EHBP1L1: variants seen among roughly 807,000 people sequenced by gnomAD.
EHBP1L1 encodes EH domain binding protein 1 like 1, also known as EH domain-binding protein 1-like protein 1.
EHBP1L1 carries 122 observed loss-of-function variants against 151.1 expected under a neutral mutation model. The ratio of observed to expected loss-of-function variants is 0.81; its 90% confidence interval spans 0.70 to 0.94. EHBP1L1 has a LOEUF of 0.94. Ranked by LOEUF, EHBP1L1 falls within the 40% of genes least tolerant of loss-of-function variation. EHBP1L1 has a pLI of 0.00. For missense variants in EHBP1L1, 1,941 were observed against 1,959.8 expected, an observed-to-expected ratio of 0.99 and a Z score of 0.18; for synonymous variants, 878 against 810.1, an observed-to-expected ratio of 1.08 and a Z score of -1.42.
At position 65,592,025 on chromosome 11, in the gene EHBP1L1, G is replaced by A. The variant is rs574180298; in HGVS notation, c.4407G>A (p.Glu1469=). 6.2e-7 allele frequency: 1 copy of A among 1,613,486 alleles called. No homozygotes were observed. The highest frequency in any genetic ancestry group is 8.5e-7 in the Non-Finnish European group (1 of 1,179,708). The change falls in exon 18 of 19, where the codon GAG becomes GAA. Residue 1469 remains glutamate (E), a synonymous_variant. Coordinates refer to ENST00000309295, the MANE Select transcript of EHBP1L1 (RefSeq NM_001099409.3). The part of the protein sequence containing the change: ...AQQHREQLLL[E]ELVSLVNQRD... The stretch of plus-strand genomic sequence containing the variant: ...AGCACCGAGAGCAGCTCCTACTGGA[G>A]GAGCTGGTGTCGCTGGTGAACCAGC...
intron 1 of EHBP1L1, among the ~76,000 whole-genome samples, chr11:65,577,775 TGGGTTGGA>T (rs1433734301): frequency 6.6e-6 from 1 of 152,224 alleles, no homozygotes; most frequent in Non-Finnish European, 1.5e-5. Flanking sequence ...AACTTGGCTC[TGGGTTGGA>T]GGGCTCTAGG....
Position 65,584,533 on chromosome 11 carries a change from A to C in EHBP1L1, c.3299A>C (p.Gln1100Pro), listed in dbSNP as rs1250841752. The C allele has an allele frequency of 6.2e-7, 1 of 1,611,226 alleles. No individual in the cohort carries two copies. The highest frequency in any genetic ancestry group is 1.3e-5 in the African/African-American group (1 of 74,768). The change falls in exon 11 of 19, where the codon CAG (glutamine) becomes CCG (proline). Residue 1100 changes from glutamine to proline, a missense_variant and splice_region_variant. Physicochemically the swap from Gln to Pro is moderately conservative, Grantham distance 76 (BLOSUM62 -1). Coordinates refer to ENST00000309295, the MANE Select transcript of EHBP1L1 (RefSeq NM_001099409.3). ...DPLNIKQNNK[Q>P]AFDGFAALGV... ...CTCAACATCAAGCAGAACAACAAGC[A>C]GGTGAGATGGGGTGGGGGACTGCCT... is the stretch of plus-strand genomic sequence containing the variant.
Position 65,584,393 on chromosome 11 carries a change from C to T in EHBP1L1, c.3246C>T (p.Asp1082=), listed in dbSNP as rs1182587091. 1 of 1,613,088 alleles carries T rather than the reference C, an allele frequency of 6.2e-7. No homozygotes were observed. Among genetic ancestry groups the T allele is most frequent in the South Asian group, 1.1e-5 (1 of 91,058 alleles). ...CCATCCTGCACCGATTCTACCCAGA[C>T]AAGATGTGAGCTGCCAGAGGGGTGG... The part of the protein sequence containing the change: ...FCAILHRFYP[D]KIDYASLDPL... The change falls in exon 10 of 19, where the codon GAC becomes GAT. Residue 1082 remains aspartate (D), a synonymous_variant. Transcript: ENST00000309295.
chr11:65,589,951 CGGA>C lies in EHBP1L1; in HGVS notation c.4023_4025del (p.Glu1342del). On this transcript the variant is annotated inframe_deletion, in exon 14 of 19. Coordinates refer to ENST00000309295, the MANE Select transcript of EHBP1L1 (RefSeq NM_001099409.3). The stretch of plus-strand genomic sequence containing the variant: ...CTGTCTGCAGGTGGGAGTTCCCCCT[CGGA>C]GGAACCACCCCCAAGCCCAGGGGAG... The C allele has an allele frequency of 1.3e-6, 2 of 1,572,862 alleles. No homozygotes were observed. Among genetic ancestry groups the C allele is most frequent in the Non-Finnish European group, 1.7e-6 (2 of 1,155,758 alleles).
Position 65,585,638 on chromosome 11 carries a change from C to G in EHBP1L1, c.3933+47C>G, listed in dbSNP as rs1191737497. ...TCTTCCCCCGCCGCAGCGCGGGGTC[C>G]CGGGAAGATGGGCAGAGAACGGGCG... is the stretch of plus-strand genomic sequence containing the variant. On this transcript the variant is annotated intron_variant, in intron 12 of 18. Transcript: ENST00000309295. The surrounding 1 kb of genome is among the most constrained non-coding windows in gnomAD (Gnocchi z 4.0). 1 of 1,533,174 alleles carries G rather than the reference C, an allele frequency of 6.5e-7. No homozygotes were observed. Among genetic ancestry groups the G allele is most frequent in the Non-Finnish European group, 8.7e-7 (1 of 1,145,090 alleles). 95.0% of individuals were successfully genotyped at this position (1,533,174 alleles called of 1,614,324 possible).
chr11:65,582,504 A>C lies in EHBP1L1; in HGVS notation c.1832A>C (p.Glu611Ala), dbSNP rs755978533. The C allele has an allele frequency of 1.2e-5, 19 of 1,613,178 alleles. No homozygotes were observed. In the East Asian group the frequency reaches 2.4e-4, roughly 21 times the overall value. The change falls in exon 9 of 19, where the codon GAA becomes GCA. Residue 611 changes from glutamate (E) to alanine (A), a missense_variant. Transcript: ENST00000309295. Reference sequence around the variant, plus strand: ...GAGATATTGGGGGCCTTGGAGAAAGAAGCAGCAAGATCAAGGGTCCTGGAG... The same window carrying C: ...GAGATATTGGGGGCCTTGGAGAAAGCAGCAGCAAGATCAAGGGTCCTGGAG... The part of the protein sequence containing the change: ...EIEILGALEK[E>A]AARSRVLESE...
intron 17 of EHBP1L1, 30 bp from the exon 18 acceptor site, chr11:65,591,946 C>G (rs757387698): frequency 6.2e-7 from 1 of 1,608,254 alleles, no homozygotes; most frequent in Non-Finnish European, 8.5e-7. Context: ...GGGCCCGCGC[C>G]TCCTGACGCT....
rs758971139 is a variant in EHBP1L1, at chr11:65,581,369, A to G, written c.862A>G (p.Met288Val). 6.4e-7 allele frequency: 1 copy of G among 1,556,678 alleles called. No homozygotes were observed. The highest frequency in any genetic ancestry group is 1.2e-5 in the South Asian group (1 of 83,858). Residue 288 changes from methionine (M) to valine (V), a missense_variant, in exon 8 of 19, where the codon ATG becomes GTG. Physicochemically the swap from Met to Val is conservative, Grantham distance 21. Coordinates refer to ENST00000309295, the MANE Select transcript of EHBP1L1 (RefSeq NM_001099409.3). ...AAGGCCCCCGGAAACCTCACCAGAG[A>G]TGAGGTGAGCTTTGGAACCAGCCTC... The part of the protein sequence containing the change: ...APRPPETSPE[M>V]RSSRQPAQDT...
At position 65,592,405 on chromosome 11, in the gene EHBP1L1, T is replaced by A. The variant is rs1858383358; in HGVS notation, c.*103T>A. The A allele has an allele frequency of 1.1e-6, 1 of 896,204 alleles. No individual in the cohort carries two copies. The highest frequency in any genetic ancestry group is 6.3e-5 in the East Asian group (1 of 15,918). 55.5% of individuals were successfully genotyped at this position (896,204 alleles called of 1,614,324 possible). On this transcript the variant is annotated 3_prime_UTR_variant, in exon 19 of 19. Coordinates refer to ENST00000309295, the MANE Select transcript of EHBP1L1 (RefSeq NM_001099409.3). ...CCGGCCGTCCCGGAGGCCGCGCGCG[T>A]GTCCGCTAGGGGCCGCCGGCGCCCT...
chr11:65,583,896 C>T (rs1857785468), intron 9 of EHBP1L1, 131 bp downstream of exon 9: 19 of 1,416,864 alleles, frequency 1.3e-5, no homozygotes, highest in Non-Finnish European at 7.3e-6. Flanking sequence ...CTTGAAGGAG[C>T]CCCCTCATCC....
Position 65,584,953 on chromosome 11 carries a change from C to G in EHBP1L1, c.3301-6C>G. 6.5e-7 allele frequency: 1 copy of G among 1,533,356 alleles called. No homozygotes were observed. Among genetic ancestry groups the G allele is most frequent in the African/African-American group, 1.4e-5 (1 of 72,980 alleles). The allele number at this position is 1,533,356 out of a possible 1,614,324, so 95.0% of individuals were successfully genotyped here. A position where few individuals can be genotyped will look rare whatever the true frequency, so the allele number is the denominator to read the frequency against. ...GCCGCTGACCCCGAGTGCACCCTTC[C>G]CCTAGGCCTTCGATGGCTTCGCGGC... On this transcript the variant is annotated splice_region_variant and splice_polypyrimidine_tract_variant and intron_variant, in intron 11 of 18. Coordinates refer to ENST00000309295, the MANE Select transcript of EHBP1L1 (RefSeq NM_001099409.3).
intron 8 of EHBP1L1, 36 bp downstream of exon 8, chr11:65,581,409 CCT>C (rs1459520801): frequency 4.0e-6 from 6 of 1,498,214 alleles, no homozygotes; most frequent in Non-Finnish European, 4.4e-6. Flanking sequence ...CCCATTGCCC[CCT>C]GATAGGAGCT....
In EHBP1L1 at chr11:65,585,877, T is replaced by C. The variant is rs1590830531; in HGVS notation, c.3933+286T>C. Among the ~76,000 whole-genome samples the C allele has an allele frequency of 6.6e-6, 1 of 152,276 alleles. No individual in the cohort carries two copies. The highest frequency in any genetic ancestry group is 1.9e-4 in the East Asian group (1 of 5,178). On this transcript the variant is annotated intron_variant, in intron 12 of 18. Coordinates refer to ENST00000309295, the MANE Select transcript of EHBP1L1 (RefSeq NM_001099409.3). The surrounding 1 kb of genome is among the most constrained non-coding windows in gnomAD (Gnocchi z 4.0). ...AGCTTTGCGGCCAGCCTGGGATAAGTGCTGAGGGTTTTTAGTGCTTGGCAC... is the reference window on the plus strand; with the variant it reads ...AGCTTTGCGGCCAGCCTGGGATAAGCGCTGAGGGTTTTTAGTGCTTGGCAC...
At chr11:65,586,080 G>A (rs1021236182) in intron 12 of EHBP1L1, among the ~76,000 whole-genome samples, 1 of 152,168 alleles carries the variant, frequency 6.6e-6, no homozygotes. Context: ...ACTCAAGGGG[G>A]ATTCTCCAGG....
chr11:65,583,039 A>G lies in EHBP1L1; in HGVS notation c.2367A>G (p.Leu789=), dbSNP rs1261086259. The change falls in exon 9 of 19, where the codon TTA becomes TTG. Residue 789 remains leucine, a synonymous_variant. Coordinates refer to ENST00000309295, the MANE Select transcript of EHBP1L1 (RefSeq NM_001099409.3). ...IASRDSGVPG[L]EADTTGIQVK... Reference sequence around the variant, plus strand: ...CTAGGGATTCAGGGGTCCCAGGGTTAGAAGCTGATACAACAGGGATCCAGG... The same window carrying G: ...CTAGGGATTCAGGGGTCCCAGGGTTGGAAGCTGATACAACAGGGATCCAGG... The G allele has an allele frequency of 6.2e-7, 1 of 1,613,196 alleles. No homozygotes were observed.
In EHBP1L1 at chr11:65,576,104, G is replaced by C. The variant is rs1436213427; in HGVS notation, c.-199G>C. On this transcript the variant is annotated 5_prime_UTR_variant, in exon 1 of 19. Coordinates refer to ENST00000309295, the MANE Select transcript of EHBP1L1 (RefSeq NM_001099409.3). ...GCTCGCCACCCGACGCGCCCCAGGC[G>C]ACCCCGCAGACTCAGCCAGACCACC... The C allele has an allele frequency of 3.4e-5, 12 of 355,960 alleles. No homozygotes were observed. The allele number at this position is 355,960 out of a possible 1,614,324, so 22.1% of individuals were successfully genotyped here.
chr11:65,577,362 C>A (rs913085346), intron 1 of EHBP1L1, among the ~76,000 whole-genome samples: 5 of 152,222 alleles, frequency 3.3e-5, no homozygotes, highest in Non-Finnish European at 5.9e-5. Flanking sequence ...TATCCTTGGC[C>A]TTGCCCACAC....
In EHBP1L1 at chr11:65,582,542, G is replaced by A; in HGVS notation, c.1870G>A (p.Gly624Arg). ...AAGGGTCCTGGAGTCAGAGGTTGCT[G>A]GGACAGCACAGTGTGAGGGACTGGA... ...RSRVLESEVAGTAQCEGLETQ... is the reference protein window; with the variant it reads ...RSRVLESEVARTAQCEGLETQ... Residue 624 changes from glycine (G) to arginine (R), a missense_variant, in exon 9 of 19, where the codon GGG (glycine) becomes AGG (arginine). By Grantham distance (125) the Gly-to-Arg change is moderately radical (BLOSUM62 -2). Coordinates refer to ENST00000309295, the MANE Select transcript of EHBP1L1 (RefSeq NM_001099409.3). The A allele has an allele frequency of 2.5e-6, 4 of 1,613,468 alleles. No homozygotes were observed. The highest frequency in any genetic ancestry group is 3.4e-6 in the Non-Finnish European group (4 of 1,179,846).
At chr11:65,591,706 G>A (rs1858305791) in intron 16 of EHBP1L1, 94 bp from the exon 17 acceptor site, 1 of 1,015,772 alleles carries the variant, frequency 9.8e-7, no homozygotes, top group East Asian at 2.6e-5. Flanking sequence ...GGTGGGATGG[G>A]GTCAGGGAGT....
Sources: allele counts gnomAD v4.1 joint callset (sites outside exome capture counted in the v4.1 genomes callset), GRCh38; gene constraint gnomAD v4.1.1; non-coding constraint Gnocchi (gnomAD v3.1); transcripts MANE v1.5; gene names NCBI Gene and HGNC (gene_info 2026-07-23, HGNC 2026-07-21).